SDC2: variants seen among roughly 807,000 people sequenced by gnomAD.
The protein encoded by SDC2 is syndecan-2.
In SDC2, 13 loss-of-function variants were observed where a neutral mutation model predicts 22.2. The ratio of observed to expected loss-of-function variants is 0.59; its 90% CI spans 0.38 to 0.93. SDC2 has a LOEUF of 0.93. Ranked by LOEUF, SDC2 falls within the 40% of genes least tolerant of loss-of-function variation. The pLI is 0.00. For synonymous variants in SDC2, 94 were observed against 92.8 expected, an observed-to-expected ratio of 1.01 and a Z score of -0.07; for missense variants, 235 against 246.8, an observed-to-expected ratio of 0.95 and a Z score of 0.32.
chr8:96,564,269 A>G (rs1315794766), intron 1 of SDC2, among the ~76,000 whole-genome samples: 1 of 152,190 alleles, frequency 6.6e-6, no homozygotes, highest in Non-Finnish European at 1.5e-5. Flanking sequence ...AGGAGGGGTG[A>G]GGAGTCACTG....
chr8:96,546,496 A>T (rs1037938815), intron 1 of SDC2, among the ~76,000 whole-genome samples: 2 of 152,188 alleles, frequency 1.3e-5, no homozygotes, highest in African/African-American at 4.8e-5. Context: ...AGACCATAAG[A>T]TAGAATGATA....
chr8:96,550,647 A>G (rs1325191718), intron 1 of SDC2, among the ~76,000 whole-genome samples: 1 of 152,198 alleles, frequency 6.6e-6, no homozygotes, highest in Non-Finnish European at 1.5e-5. Context: ...GCCCTGGGGA[A>G]ATAACTTAGG....
At chr8:96,582,638 CAGA>C (rs1286965598) in intron 1 of SDC2, among the ~76,000 whole-genome samples, 5 of 152,148 alleles carry the variant, frequency 3.3e-5, no homozygotes, top group Non-Finnish European at 7.3e-5. Flanking sequence ...CTGTAATCAG[CAGA>C]AGGAGAGGCT....
chr8:96,541,769 ATG>A (rs1192869621), intron 1 of SDC2, among the ~76,000 whole-genome samples: 1 of 152,204 alleles, frequency 6.6e-6, no homozygotes, highest in Admixed American at 6.5e-5. Flanking sequence ...CTGGAGATGA[ATG>A]TGGTGATGAT....
At chr8:96,565,165 A>G (rs1330781793) in intron 1 of SDC2, among the ~76,000 whole-genome samples, 1 of 129,708 alleles carries the variant, frequency 7.7e-6, no homozygotes, top group Non-Finnish European at 1.6e-5. Flanking sequence ...GCTCACTGCA[A>G]CCTCCGCCTC....
At chr8:96,604,579 A>G (rs1815046555) in intron 3 of SDC2, among the ~76,000 whole-genome samples, 1 of 152,220 alleles carries the variant, frequency 6.6e-6, no homozygotes, top group Non-Finnish European at 1.5e-5. Context: ...CCTCTAGGAT[A>G]CCATTAGTGT....
intron 1 of SDC2, among the ~76,000 whole-genome samples, chr8:96,524,408 A>G (rs1175778173): frequency 6.6e-6 from 1 of 152,218 alleles, no homozygotes; most frequent in Non-Finnish European, 1.5e-5. Context: ...TCTGTTGAGC[A>G]TGTGAGAGAG....
chr8:96,502,417 C>G (rs910151279), intron 1 of SDC2, among the ~76,000 whole-genome samples: 1 of 152,172 alleles, frequency 6.6e-6, no homozygotes, highest in Non-Finnish European at 1.5e-5. Flanking sequence ...TTTTCTGATA[C>G]AAGCCAGTGT....
intron 1 of SDC2, among the ~76,000 whole-genome samples, chr8:96,500,643 CAG>C (rs1331854255): frequency 2.5e-5 from 3 of 119,464 alleles, no homozygotes; most frequent in Admixed American, 1.1e-4. Flanking sequence ...GCCTGGGCGA[CAG>C]AGTGAGACTC....
chr8:96,494,869 AGTTTGCAAAAGTTCTTTT>A (rs1362047576), intron 1 of SDC2, among the ~76,000 whole-genome samples: 1 of 152,088 alleles, frequency 6.6e-6, no homozygotes, highest in African/African-American at 2.4e-5. Flanking sequence ...CAGAGAGAAA[AGTTTGCAAAAGTTCTTTT>A]GTTTGATGCT....
intron 1 of SDC2, among the ~76,000 whole-genome samples, chr8:96,559,165 CAA>C (rs1210268239): frequency 1.3e-5 from 2 of 152,124 alleles, no homozygotes; most frequent in African/African-American, 4.8e-5. Flanking sequence ...ATATTTGACA[CAA>C]GGGCCGATGG....
intron 1 of SDC2, among the ~76,000 whole-genome samples, chr8:96,530,653 A>C (rs880079): frequency 0.012 from 1,773 of 152,286 alleles, 30 homozygotes; most frequent in African/African-American, 0.041. Context: ...AAAACGAAAC[A>C]AAAAAACCTG....
At chr8:96,593,659 C>T (rs1340134045) in intron 2 of SDC2, 68 bp downstream of exon 2, 1 of 1,035,336 alleles carries the variant, frequency 9.7e-7, no homozygotes, top group African/African-American at 1.6e-5. Flanking sequence ...TTTTACTGTG[C>T]TTACTTCAAG....
At chr8:96,599,304 A>T (rs898278718) in intron 2 of SDC2, among the ~76,000 whole-genome samples, 1 of 152,136 alleles carries the variant, frequency 6.6e-6, no homozygotes, top group African/African-American at 2.4e-5. Context: ...CTCTTCCCTC[A>T]TACAGATTCA....
At chr8:96,549,470 T>C (rs1259322037) in intron 1 of SDC2, among the ~76,000 whole-genome samples, 1 of 152,194 alleles carries the variant, frequency 6.6e-6, no homozygotes, top group South Asian at 2.1e-4. Context: ...CAGTGACTGC[T>C]GCAAACTGGG....
chr8:96,567,867 C>A (rs1814326559), intron 1 of SDC2, among the ~76,000 whole-genome samples: 1 of 152,204 alleles, frequency 6.6e-6, no homozygotes, highest in Non-Finnish European at 1.5e-5. Context: ...CACTCTTAGA[C>A]AATGTGCAGG....
At chr8:96,589,587 A>G (rs1434068999) in intron 1 of SDC2, among the ~76,000 whole-genome samples, 1 of 151,946 alleles carries the variant, frequency 6.6e-6, no homozygotes, top group Non-Finnish European at 1.5e-5. Context: ...TAATTTTTGT[A>G]ATTTTTGGTA....
At chr8:96,522,149 T>C (rs150628284) in intron 1 of SDC2, among the ~76,000 whole-genome samples, 4 of 152,280 alleles carry the variant, frequency 2.6e-5, no homozygotes, top group African/African-American at 9.6e-5. Context: ...TTTTCTGGGA[T>C]TTTGGTTATA....
Position 96,494,140 on chromosome 8 carries a change from C to G in SDC2, c.-132C>G. 3 of 933,928 alleles carry G rather than the reference C, an allele frequency of 3.2e-6. No individual in the cohort carries two copies. The highest frequency in any genetic ancestry group is 1.6e-5 in the South Asian group (1 of 61,080). 57.9% of individuals were successfully genotyped at this position (933,928 alleles called of 1,614,324 possible). A position where few individuals can be genotyped will look rare whatever the true frequency, so the allele number is the denominator to read the frequency against. ...CCCCCGAGCCCCGAGCCCGAGTCCCCGAGCCTGAGCCGCAATCGCTGCGGT... is the reference window on the plus strand; with the variant it reads ...CCCCCGAGCCCCGAGCCCGAGTCCCGGAGCCTGAGCCGCAATCGCTGCGGT... On this transcript the variant is annotated 5_prime_UTR_variant, in exon 1 of 5. Transcript: ENST00000302190.
Sources: gnomAD v4.1 joint callset for allele counts (sites outside exome capture counted in the v4.1 genomes callset) on GRCh38, gnomAD v4.1.1 for gene constraint, MANE v1.5 for transcripts, NCBI Gene and HGNC (gene_info 2026-07-23, HGNC 2026-07-21) for gene names.